The following DNAH17 variants were observed in gnomAD, a reference collection of about 807,000 sequenced individuals.
DNAH17 encodes axonemal beta dynein heavy chain 17.
Under a neutral mutation model 485.6 loss-of-function variants are expected in DNAH17, and 376 were observed. That is an observed-to-expected ratio of 0.77 (90% CI 0.71 to 0.84). DNAH17 has a LOEUF of 0.84. DNAH17 is among the 40% of genes least tolerant of loss of function. DNAH17 has a pLI of 0.00. For synonymous variants in DNAH17, 3,031 were observed against 2,405.9 expected (o/e 1.26, Z -7.60); for missense variants, 6,370 against 5,839.3 (o/e 1.09, Z -2.96).
At chr17:78,457,806 G>A (rs1414028217) in intron 62 of DNAH17, among the ~76,000 whole-genome samples, 2 of 151,916 alleles carry the variant, frequency 1.3e-5, no homozygotes, top group Non-Finnish European at 2.9e-5. Flanking sequence ...GATAACAGGC[G>A]ACTGCCACCA....
intron 61 of DNAH17, 53 bp downstream of exon 61, chr17:78,458,948 C>G (rs551103579): frequency 1.7e-5 from 27 of 1,578,840 alleles, no homozygotes; most frequent in Non-Finnish European, 2.3e-5. Flanking sequence ...TGACTGGCAG[C>G]GCGAGCAAGC....
intron 67 of DNAH17, 124 bp downstream of exon 67, chr17:78,450,558 G>T (rs946872503): frequency 2.0e-5 from 29 of 1,416,866 alleles, no homozygotes; most frequent in Non-Finnish European, 2.8e-5. Flanking sequence ...CCTGCCCTGG[G>T]CCCACTCGGG....
At chr17:78,564,050 C>T (rs1568262286) in intron 11 of DNAH17, among the ~76,000 whole-genome samples, 1 of 152,144 alleles carries the variant, frequency 6.6e-6, no homozygotes, top group Non-Finnish European at 1.5e-5. Context: ...AAGCCTGGGG[C>T]GGGGTGACTG....
chr17:78,437,949 C>A, intron 73 of DNAH17, 81 bp from the exon 74 acceptor site: 1 of 1,089,722 alleles, frequency 9.2e-7, no homozygotes, highest in East Asian at 2.5e-5. Flanking sequence ...GGCTATGTTC[C>A]CTGGTGAGGG....
At chr17:78,460,132 G>A (rs760112729) in intron 59 of DNAH17, 30 bp downstream of exon 59, 6 of 1,585,846 alleles carry the variant, frequency 3.8e-6, no homozygotes, top group Non-Finnish European at 4.3e-6. Flanking sequence ...AACCAGGCCA[G>A]GGGTCCCCTT....
At chr17:78,454,794 G>A in intron 63 of DNAH17, 89 bp from the exon 64 acceptor site, 3 of 1,187,134 alleles carry the variant, frequency 2.5e-6, no homozygotes, top group Non-Finnish European at 3.6e-6. Context: ...TCTGTCTGGT[G>A]CTGCGGTTAG....
chr17:78,455,474 C>T (rs900867616), intron 63 of DNAH17, among the ~76,000 whole-genome samples, 170 bp downstream of exon 63: 12 of 151,976 alleles, frequency 7.9e-5, no homozygotes, highest in African/African-American at 2.7e-4. Flanking sequence ...TAAGGCGCCC[C>T]CCACCAAGCC....
chr17:78,427,737 C>G (rs531700179), intron 77 of DNAH17, among the ~76,000 whole-genome samples: 1 of 152,094 alleles, frequency 6.6e-6, no homozygotes, highest in Non-Finnish European at 1.5e-5. Context: ...TTTAGGAGGC[C>G]GAGGCGGGAT....
At chr17:78,503,118 T>TC in intron 31 of DNAH17, 107 bp from the exon 32 acceptor site, 3 of 1,291,406 alleles carry the variant, frequency 2.3e-6, no homozygotes, top group Non-Finnish European at 3.0e-6. Flanking sequence ...ATCATCCTCA[T>TC]CCCAGGGGCA....
intron 69 of DNAH17, among the ~76,000 whole-genome samples, chr17:78,448,488 C>CT (rs761440353): frequency 3.3e-5 from 5 of 152,202 alleles, no homozygotes; most frequent in Non-Finnish European, 7.3e-5. Flanking sequence ...GATTGCACCA[C>CT]TGCACTCTAG....
Position 78,423,710 on chromosome 17 carries a change from T to G in DNAH17, c.*196A>C. 1 of 655,268 alleles carries G rather than the reference T, an allele frequency of 1.5e-6. No individual in the cohort carries two copies. Among genetic ancestry groups the G allele is most frequent in the Non-Finnish European group, 2.6e-6 (1 of 390,420 alleles). 40.6% of individuals were successfully genotyped at this position (655,268 alleles called of 1,614,324 possible). ...GATGGGCACAGCTGAGTGGCTCCAC[T>G]GGCTTTAATCTGCCCCACCTCTTCC... On this transcript the variant is annotated 3_prime_UTR_variant, in exon 81 of 81. Transcript: ENST00000389840.
intron 3 of DNAH17, 42 bp from the exon 4 acceptor site, chr17:78,571,824 A>G: frequency 6.5e-7 from 1 of 1,527,826 alleles, no homozygotes; most frequent in Non-Finnish European, 8.8e-7. Flanking sequence ...ATGGCGACAC[A>G]CACGTGGGTC....
rs573064254 is a variant in DNAH17, at chr17:78,564,515, A to G, written c.1569+2099T>C. ...CCCCATCTTTAATTTTGGAGACCCA[A>G]AAGTGAGGTTTCCAAATGAAAGAAT... On this transcript the variant is annotated intron_variant, in intron 11 of 80. Coordinates refer to ENST00000389840, the MANE Select transcript of DNAH17 (RefSeq NM_173628.4). Among the ~76,000 whole-genome samples the G allele has an allele frequency of 1.3e-4, 20 of 152,056 alleles. 1 individual carries two copies. The highest frequency in any genetic ancestry group is 4.3e-4 in the African/African-American group (18 of 41,482).
chr17:78,503,005 C>T lies in DNAH17; in HGVS notation c.4963G>A (p.Val1655Met), dbSNP rs1398709462. ...QECDLSGQVEVWLNRVLDRMC... is the reference protein window; with the variant it reads ...QECDLSGQVEMWLNRVLDRMC... ...CGGTCCAGCACTCGATTCAGCCACA[C>T]TTCCACCTGGGGACGGGAGCCACGG... Residue 1655 changes from valine (V) to methionine (M), a missense_variant, in exon 32 of 81, where the codon GTG becomes ATG. Val to Met is a conservative substitution (Grantham distance 21). Coordinates refer to ENST00000389840, the MANE Select transcript of DNAH17 (RefSeq NM_173628.4). 1.9e-6 allele frequency: 3 copies of T among 1,613,386 alleles called. No homozygotes were observed. In the African/African-American group the frequency reaches 4.0e-5, roughly 22 times the overall value.
At chr17:78,502,803 T>C in intron 32 of DNAH17, 83 bp downstream of exon 32, 2 of 1,589,028 alleles carry the variant, frequency 1.3e-6, no homozygotes, top group Non-Finnish European at 1.7e-6. Flanking sequence ...GGGACCACAG[T>C]TAACAGCGGA....
chr17:78,574,035 G>C (rs547683111), intron 2 of DNAH17, among the ~76,000 whole-genome samples: 5 of 152,248 alleles, frequency 3.3e-5, no homozygotes, highest in Non-Finnish European at 7.4e-5. Flanking sequence ...CAAAATTGGA[G>C]AAACCTATCT....
chr17:78,565,740 G>A (rs1568264586), intron 11 of DNAH17, among the ~76,000 whole-genome samples: 1 of 152,142 alleles, frequency 6.6e-6, no homozygotes. Flanking sequence ...GATCACCTGA[G>A]GTCAGGAGTT....
At position 78,532,539 on chromosome 17, in the gene DNAH17, G is replaced by C. The variant is rs1223168308; in HGVS notation, c.3057C>G (p.Thr1019=). 6.2e-7 allele frequency: 1 copy of C among 1,611,272 alleles called. No homozygotes were observed. Among genetic ancestry groups the C allele is most frequent in the Admixed American group, 1.7e-5 (1 of 59,688 alleles). The change falls in exon 20 of 81, where the codon ACC becomes ACG. Residue 1019 remains threonine (T), a synonymous_variant. Coordinates refer to ENST00000389840, the MANE Select transcript of DNAH17 (RefSeq NM_173628.4). The stretch of plus-strand genomic sequence containing the variant: ...TCTTGGGGATGGTGTCATCTGTCCA[G>C]GTGTCCAAGTCCTCCGCAGTGACTG... The part of the protein sequence containing the change: ...GCAVTAEDLD[T]WTDDTIPKTP...
chr17:78,565,231 A>C (rs535391259), intron 11 of DNAH17, among the ~76,000 whole-genome samples: 13 of 152,362 alleles, frequency 8.5e-5, no homozygotes, highest in African/African-American at 3.1e-4. Context: ...ATCGTGAGTA[A>C]GGTCTGAATC....
Sources: allele counts gnomAD v4.1 joint callset (sites outside exome capture counted in the v4.1 genomes callset), GRCh38; gene constraint gnomAD v4.1.1; transcripts MANE v1.5; gene names NCBI Gene and HGNC (gene_info 2026-07-23, HGNC 2026-07-21).